TRIM24: variants seen among roughly 807,000 people sequenced by gnomAD.
TRIM24 encodes the protein tripartite motif containing 24.
TRIM24 carries 29 observed loss-of-function variants against 123.9 expected under a neutral mutation model. The observed-to-expected ratio is 0.23, with a 90% CI of 0.17 to 0.32. The LOEUF (loss-of-function observed/expected upper bound fraction) is 0.32. TRIM24 is among the 10% of genes least tolerant of loss of function. TRIM24 has a pLI of 1.00. For missense variants in TRIM24, 932 were observed against 1,295.3 expected, an observed-to-expected ratio of 0.72 and a Z score of 4.31; for synonymous variants, 456 against 461.1, an observed-to-expected ratio of 0.99 and a Z score of 0.14.
At chr7:138,518,424 C>T (rs1030601074) in intron 3 of TRIM24, among the ~76,000 whole-genome samples, 1 of 152,046 alleles carries the variant, frequency 6.6e-6, no homozygotes, top group African/African-American at 2.4e-5. Context: ...AAGATAACTG[C>T]GGTTTACTAT....
At chr7:138,466,462 G>GTTTTTTTT (rs1563020272) in intron 1 of TRIM24, among the ~76,000 whole-genome samples, 3 of 32,670 alleles carry the variant, frequency 9.2e-5, no homozygotes, top group Non-Finnish European at 1.4e-4. Flanking sequence ...AACTTAAGTT[G>GTTTTTTTT]CTTTTTTTTT....
chr7:138,583,912 A>T lies in TRIM24; in HGVS notation c.2856A>T (p.Leu952=). 6.2e-7 allele frequency: 1 copy of T among 1,604,232 alleles called. No homozygotes were observed. ...PMDLSTIKKR[L]QEDYSMYSKP... ...ATTTGTCAACCATCAAGAAAAGACTACAAGAAGATTATTCCATGTACTCAA... is the reference window on the plus strand; with the variant it reads ...ATTTGTCAACCATCAAGAAAAGACTTCAAGAAGATTATTCCATGTACTCAA... Residue 952 remains leucine, a synonymous_variant, in exon 18 of 19, where the codon CTA becomes CTT. Coordinates refer to ENST00000343526, the MANE Select transcript of TRIM24 (RefSeq NM_015905.3).
Position 138,525,268 on chromosome 7 carries a change from G to C in TRIM24, c.792G>C (p.Gln264His). ...HRYQFIEEAFQNQKVIIDTLI... is the reference protein window; with the variant it reads ...HRYQFIEEAFHNQKVIIDTLI... ...ACCAATTTATAGAAGAAGCTTTTCA[G>C]AATCAGAAAGTGATCATAGATACAC... The change falls in exon 5 of 19, where the codon CAG becomes CAC. Residue 264 changes from glutamine (Q) to histidine (H), a missense_variant. Around this residue, in one of 7 missense-constraint regions of TRIM24, gnomAD observed 527 missense variants for 691.3 expected, o/e 0.76. Coordinates refer to ENST00000343526, the MANE Select transcript of TRIM24 (RefSeq NM_015905.3). The C allele has an allele frequency of 6.7e-7, 1 of 1,494,908 alleles. No homozygotes were observed. Among genetic ancestry groups the C allele is most frequent in the Non-Finnish European group, 8.9e-7 (1 of 1,127,818 alleles). The allele number at this position is 1,494,908 out of a possible 1,614,324, so 92.6% of individuals were successfully genotyped here.
intron 7 of TRIM24, among the ~76,000 whole-genome samples, chr7:138,547,653 A>G (rs967941465): frequency 2.0e-5 from 3 of 152,132 alleles, no homozygotes; most frequent in African/African-American, 7.2e-5. Context: ...TACATATTCT[A>G]CCTAGTCCCA....
At chr7:138,508,728 T>TGTGTGCGTGC (rs1554436759) in intron 2 of TRIM24, among the ~76,000 whole-genome samples, 1 of 136,294 alleles carries the variant, frequency 7.3e-6, no homozygotes, top group Non-Finnish European at 1.7e-5. Context: ...TGCGTGTGTG[T>TGTGTGCGTGC]GTGTGTGTGT....
At chr7:138,572,250 T>G (rs569629445) in intron 11 of TRIM24, among the ~76,000 whole-genome samples, 4 of 152,326 alleles carry the variant, frequency 2.6e-5, no homozygotes, top group African/African-American at 9.6e-5. Flanking sequence ...AACTTACATC[T>G]AATCCCCATA....
intron 1 of TRIM24, among the ~76,000 whole-genome samples, chr7:138,502,021 C>T (rs1306697308): frequency 1.3e-5 from 2 of 152,054 alleles, no homozygotes; most frequent in Non-Finnish European, 2.9e-5. Context: ...GAATGAAGTT[C>T]TGGTAGAGAT....
At chr7:138,510,797 A>G (rs1456772306) in intron 2 of TRIM24, among the ~76,000 whole-genome samples, 3 of 152,224 alleles carry the variant, frequency 2.0e-5, no homozygotes, top group African/African-American at 7.2e-5. Flanking sequence ...TTGATTAGGC[A>G]GGTTCATTTA....
At chr7:138,538,866 TAATGCTTAAAA>T in intron 7 of TRIM24, 63 bp downstream of exon 7, 1 of 1,416,954 alleles carries the variant, frequency 7.1e-7, no homozygotes, top group Non-Finnish European at 9.6e-7. Context: ...GGAGCCATTG[TAATGCTTAAAA>T]TTTATTCTGC....
At chr7:138,567,391 T>C (rs1797556012) in intron 9 of TRIM24, 90 bp from the exon 10 acceptor site, 1 of 1,283,272 alleles carries the variant, frequency 7.8e-7, no homozygotes, top group African/African-American at 1.5e-5. Context: ...CAGAGTTCTA[T>C]TTTTCTGTAA....
chr7:138,462,132 G>C (rs1021836494), intron 1 of TRIM24, among the ~76,000 whole-genome samples: 1 of 152,048 alleles, frequency 6.6e-6, no homozygotes, highest in Non-Finnish European at 1.5e-5. Flanking sequence ...AGCAAAAGGC[G>C]GGGATACATA....
intron 9 of TRIM24, among the ~76,000 whole-genome samples, chr7:138,564,880 T>TC (rs970695766): frequency 6.6e-6 from 1 of 152,158 alleles, no homozygotes; most frequent in Non-Finnish European, 1.5e-5. Context: ...TTTGACGACT[T>TC]CCCTCTCATT....
intron 2 of TRIM24, among the ~76,000 whole-genome samples, chr7:138,504,627 G>T (rs1796112196): frequency 1.3e-5 from 2 of 151,520 alleles, no homozygotes; most frequent in South Asian, 2.1e-4. Context: ...TGCCCGGCTA[G>T]TTTTTTGTAT....
intron 7 of TRIM24, among the ~76,000 whole-genome samples, chr7:138,550,183 T>G (rs1285008156): frequency 6.6e-6 from 1 of 152,188 alleles, no homozygotes; most frequent in Non-Finnish European, 1.5e-5. Flanking sequence ...AGTGGTCATG[T>G]GTTTGAAGTG....
Position 138,460,737 on chromosome 7 carries a change from C to A in TRIM24, c.189C>A (p.Ile63=), listed in dbSNP as rs1800700323. ...CTTGCGCCGTGTGCCACCAGAACAT[C>A]CAGAGCCGGGCGCCCAAGCTGCTGC... The part of the protein sequence containing the change: ...LDTCAVCHQN[I]QSRAPKLLPC... Residue 63 remains isoleucine (I), a synonymous_variant, in exon 1 of 19, where the codon ATC becomes ATA. Coordinates refer to ENST00000343526, the MANE Select transcript of TRIM24 (RefSeq NM_015905.3). The A allele has an allele frequency of 6.3e-7, 1 of 1,576,754 alleles. No homozygotes were observed. The highest frequency in any genetic ancestry group is 2.5e-5 in the East Asian group (1 of 39,898).
chr7:138,478,883 T>C (rs1284893123), intron 1 of TRIM24, among the ~76,000 whole-genome samples: 1 of 152,226 alleles, frequency 6.6e-6, no homozygotes, highest in Non-Finnish European at 1.5e-5. Context: ...GGTTTCTTTT[T>C]GCTTAAATAG....
intron 4 of TRIM24, among the ~76,000 whole-genome samples, chr7:138,522,379 T>C (rs943647830): frequency 6.6e-6 from 1 of 151,926 alleles, no homozygotes; most frequent in Non-Finnish European, 1.5e-5. Context: ...ACAATTAACA[T>C]AACGTCTTAT....
chr7:138,551,154 T>A lies in TRIM24; in HGVS notation c.1235T>A (p.Phe412Tyr). The change falls in exon 8 of 19, where the codon TTC (phenylalanine) becomes TAC (tyrosine). Residue 412 changes from phenylalanine to tyrosine, a missense_variant. By Grantham distance (22) the Phe-to-Tyr change is conservative. Around this residue, in one of 7 missense-constraint regions of TRIM24, gnomAD observed 527 missense variants for 691.3 expected, o/e 0.76. Transcript: ENST00000343526. Reference protein sequence around the residue: ...NTIQFHCDPSFWAQNIINLGS... With the variant: ...NTIQFHCDPSYWAQNIINLGS... The stretch of plus-strand genomic sequence containing the variant: ...ATCCAATTTCACTGTGATCCTAGTT[T>A]CTGGGCTCAAAATATCATCAACTTA... 1 of 1,613,776 alleles carries A rather than the reference T, an allele frequency of 6.2e-7. No individual in the cohort carries two copies.
At position 138,585,170 on chromosome 7, in the gene TRIM24, G is replaced by T; in HGVS notation, c.*219G>T. ...AGGAGATGAATAGAAGAAAGAAAAT[G>T]GAAAGAAGGAAAAAAGGAGGATAGA... On this transcript the variant is annotated 3_prime_UTR_variant, in exon 19 of 19. Coordinates refer to ENST00000343526, the MANE Select transcript of TRIM24 (RefSeq NM_015905.3). 2.8e-6 allele frequency: 1 copy of T among 358,100 alleles called. No homozygotes were observed. Among genetic ancestry groups the T allele is most frequent in the Non-Finnish European group, 5.0e-6 (1 of 201,668 alleles). 22.2% of individuals were successfully genotyped at this position (358,100 alleles called of 1,614,324 possible).
Sources: allele counts gnomAD v4.1 joint callset (sites outside exome capture counted in the v4.1 genomes callset), GRCh38; gene constraint gnomAD v4.1.1; regional missense constraint gnomAD v4.1.1; transcripts MANE v1.5; gene names NCBI Gene and HGNC (gene_info 2026-07-23, HGNC 2026-07-21).